The following DIAPH2 variants were observed in gnomAD, a reference collection of about 807,000 sequenced individuals.
DIAPH2 encodes the protein protein diaphanous homolog 2.
DIAPH2 carries 35 observed loss-of-function variants against 92.7 expected under a neutral mutation model. The ratio of observed to expected loss-of-function variants is 0.38; its 90% CI spans 0.29 to 0.50. The LOEUF is 0.50. DIAPH2 is among the 20% of genes least tolerant of loss of function. DIAPH2 has a pLI of 0.94. For missense variants in DIAPH2, 701 were observed against 819.5 expected (o/e 0.86, Z 1.77); for synonymous variants, 301 against 280.4 (o/e 1.07, Z -0.73).
At chrX:96,907,384 T>C (rs2065440161) in intron 5 of DIAPH2, among the ~76,000 whole-genome samples, 1 of 112,450 alleles carries the variant, frequency 8.9e-6, no homozygotes, top group African/African-American at 3.2e-5. Flanking sequence ...GATATGTAGA[T>C]ATAAACCGTT....
At chrX:96,985,893 A>G (rs1342606507) in intron 17 of DIAPH2, among the ~76,000 whole-genome samples, 1 of 110,985 alleles carries the variant, frequency 9.0e-6, no homozygotes, top group Non-Finnish European at 1.9e-5. Flanking sequence ...ATTTTCAAAC[A>G]TCTCCTAAGA....
At chrX:96,868,514 T>C (rs2065119003) in intron 4 of DIAPH2, among the ~76,000 whole-genome samples, 1 of 111,922 alleles carries the variant, frequency 8.9e-6, no homozygotes, top group Non-Finnish European at 1.9e-5. Context: ...TTGTAATTTC[T>C]AACTGAAATA....
intron 26 of DIAPH2, among the ~76,000 whole-genome samples, chrX:97,509,581 A>C (rs1232795360): frequency 5.2e-5 from 5 of 96,153 alleles, no homozygotes; most frequent in Non-Finnish European, 1.0e-4. Flanking sequence ...ATATGTATAC[A>C]TGTGCCATGC....
chrX:97,369,532 C>T (rs5921803), intron 24 of DIAPH2, among the ~76,000 whole-genome samples: 2,959 of 92,278 alleles, frequency 0.032, 36 homozygotes, highest in Middle Eastern at 0.05. Context: ...CACACCTCAT[C>T]AGTGCTCCTT....
intron 5 of DIAPH2, among the ~76,000 whole-genome samples, chrX:96,901,084 G>T (rs1230206579): frequency 9.0e-6 from 1 of 111,241 alleles, no homozygotes; most frequent in Non-Finnish European, 1.9e-5. Context: ...GAGTCCATCT[G>T]GTCCTGGAGT....
intron 21 of DIAPH2, among the ~76,000 whole-genome samples, chrX:97,125,471 C>CAAAAAAAAAAAAAAAA (rs1159049051): frequency 5.2e-5 from 1 of 19,206 alleles, no homozygotes; most frequent in African/African-American, 9.3e-5. Context: ...GACTCCGTCT[C>CAAAAAAAAAAAAAAAA]AAAAAAAAAA....
chrX:97,471,823 C>G (rs910474201), intron 26 of DIAPH2, among the ~76,000 whole-genome samples: 1 of 110,153 alleles, frequency 9.1e-6, no homozygotes, highest in African/African-American at 3.3e-5. Flanking sequence ...ATCTTCACAA[C>G]ATTCCTGAGC....
intron 26 of DIAPH2, among the ~76,000 whole-genome samples, chrX:97,581,190 G>C (rs2071439593): frequency 1.4e-5 from 1 of 69,445 alleles, no homozygotes; most frequent in Non-Finnish European, 2.8e-5. Context: ...TCTGATTTTA[G>C]TTATTTCTTG....
intron 4 of DIAPH2, among the ~76,000 whole-genome samples, chrX:96,850,348 G>A (rs182918766): frequency 3.6e-5 from 4 of 112,231 alleles, no homozygotes; most frequent in African/African-American, 1.3e-4. Flanking sequence ...GGCAAACATT[G>A]TTCTAAGTGT....
intron 4 of DIAPH2, among the ~76,000 whole-genome samples, chrX:96,834,858 G>A (rs1176988024): frequency 9.0e-6 from 1 of 111,585 alleles, no homozygotes. Flanking sequence ...GATTGTATTT[G>A]CAAAACAATG....
intron 24 of DIAPH2, among the ~76,000 whole-genome samples, chrX:97,350,918 C>T (rs1040570231): frequency 4.5e-5 from 5 of 112,087 alleles, no homozygotes; most frequent in African/African-American, 1.6e-4. Flanking sequence ...TTCTTATGTC[C>T]AGTTTCATGT....
chrX:97,120,790 G>A (rs1382699203), intron 21 of DIAPH2, among the ~76,000 whole-genome samples: 1 of 109,683 alleles, frequency 9.1e-6, no homozygotes, highest in Non-Finnish European at 1.9e-5. Flanking sequence ...CCATTACATG[G>A]TATTAGTGAC....
At chrX:96,972,083 G>A (rs1210195268) in intron 17 of DIAPH2, among the ~76,000 whole-genome samples, 1 of 111,272 alleles carries the variant, frequency 9.0e-6, no homozygotes, top group African/African-American at 3.3e-5. Flanking sequence ...TTTTTCCCCC[G>A]GTTTGCTGTT....
At chrX:96,735,907 T>C (rs1284881619) in intron 2 of DIAPH2, 117 bp downstream of exon 2, 1 of 416,970 alleles carries the variant, frequency 2.4e-6, no homozygotes, top group Non-Finnish European at 4.1e-6. Context: ...ATTTACAAAG[T>C]ATAGTAGAAT....
chrX:96,894,800 G>A, intron 5 of DIAPH2, among the ~76,000 whole-genome samples: 1 of 110,525 alleles, frequency 9.0e-6, no homozygotes, highest in East Asian at 2.8e-4. Flanking sequence ...TGATTTATCT[G>A]TTGAAATCAT....
At chrX:96,901,688 C>A (rs1233570328) in intron 5 of DIAPH2, among the ~76,000 whole-genome samples, 1 of 108,178 alleles carries the variant, frequency 9.2e-6, no homozygotes, top group African/African-American at 3.4e-5. Context: ...GCATGCACCA[C>A]CATGCCCAAC....
intron 26 of DIAPH2, among the ~76,000 whole-genome samples, chrX:97,563,666 C>T (rs1216562129): frequency 9.0e-6 from 1 of 111,563 alleles, no homozygotes; most frequent in Non-Finnish European, 1.9e-5. Flanking sequence ...CGTGAGGCTC[C>T]TGAGTGGGCC....
At chrX:96,940,118 A>G (rs940529116) in intron 12 of DIAPH2, among the ~76,000 whole-genome samples, 1 of 110,941 alleles carries the variant, frequency 9.0e-6, no homozygotes, top group African/African-American at 3.3e-5. Flanking sequence ...CTAGATAGTG[A>G]TATCACAGAA....
intron 22 of DIAPH2, among the ~76,000 whole-genome samples, chrX:97,242,240 A>G (rs956812061): frequency 9.0e-6 from 1 of 111,514 alleles, no homozygotes; most frequent in Non-Finnish European, 1.9e-5. Flanking sequence ...CTCCAAACCC[A>G]GGCTACTCAT....
Sources: gnomAD v4.1 joint callset for allele counts (sites outside exome capture counted in the v4.1 genomes callset) on GRCh38, gnomAD v4.1.1 for gene constraint, MANE v1.5 for transcripts, NCBI Gene and HGNC (gene_info 2026-07-23, HGNC 2026-07-21) for gene names.